The following SNAP91 variants were observed in gnomAD, a reference collection of about 807,000 sequenced individuals.
SNAP91 encodes clathrin coat assembly protein AP180.
Under a neutral mutation model 100.3 loss-of-function variants are expected in SNAP91, and 27 were observed. The ratio of observed to expected loss-of-function variants is 0.27; its 90% confidence interval spans 0.20 to 0.37. The LOEUF is 0.37. SNAP91 is among the 10% of genes least tolerant of loss of function. SNAP91 has a pLI of 1.00. For synonymous variants in SNAP91, 404 were observed against 398.6 expected (o/e 1.01, Z -0.16); for missense variants, 986 against 1,123.7 (o/e 0.88, Z 1.75).
In SNAP91 at chr6:83,635,011, T is replaced by C. The variant is rs2128498139; in HGVS notation, c.765+6085A>G. On this transcript the variant is annotated intron_variant, in intron 8 of 29. Coordinates refer to ENST00000369694, the MANE Select transcript of SNAP91 (RefSeq NM_001242792.2). ...CTACTGTGGTCTAAGAATATACTTG[T>C]TATGATTTGATTTTTTTGATTTATT... Among the ~76,000 whole-genome samples the C allele has an allele frequency of 1.3e-5, 2 of 152,338 alleles. 1 individual carries two copies. Among genetic ancestry groups the C allele is most frequent in the South Asian group, 4.1e-4 (2 of 4,826 alleles).
intron 2 of SNAP91, among the ~76,000 whole-genome samples, chr6:83,700,059 A>G (rs2099271829): frequency 6.6e-6 from 1 of 152,234 alleles, no homozygotes; most frequent in Non-Finnish European, 1.5e-5. Flanking sequence ...GTACAGCTTT[A>G]GGGGTTAAAA....
intron 11 of SNAP91, 66 bp from the exon 12 acceptor site, chr6:83,610,743 ATAT>A (rs2128308279): frequency 8.3e-6 from 1 of 120,572 alleles, no homozygotes; most frequent in Non-Finnish European, 1.4e-5. Context: ...ATATATATAT[ATAT>A]AAATATATAT....
intron 5 of SNAP91, among the ~76,000 whole-genome samples, chr6:83,660,779 T>A (rs2098527094): frequency 2.1e-5 from 3 of 145,958 alleles, no homozygotes; most frequent in South Asian, 2.1e-4. Flanking sequence ...CTATTTTCCA[T>A]CTTTTTTTTT....
At chr6:83,695,050 T>C (rs1432483327) in intron 2 of SNAP91, among the ~76,000 whole-genome samples, 2 of 151,774 alleles carry the variant, frequency 1.3e-5, no homozygotes, top group Non-Finnish European at 2.9e-5. Context: ...GGTGGGCGGA[T>C]CACTTGAGGC....
chr6:83,651,642 G>C (rs1017491893), intron 7 of SNAP91, among the ~76,000 whole-genome samples: 1 of 152,158 alleles, frequency 6.6e-6, no homozygotes, highest in African/African-American at 2.4e-5. Flanking sequence ...TTGTCAAGAT[G>C]TGTTTTATGG....
chr6:83,567,680 A>C (rs1300264670), intron 26 of SNAP91, among the ~76,000 whole-genome samples: 2 of 152,224 alleles, frequency 1.3e-5, no homozygotes, highest in African/African-American at 4.8e-5. Context: ...CCCATCAAAA[A>C]GTGGGTGAAG....
At chr6:83,647,568 T>C (rs1234086751) in intron 7 of SNAP91, among the ~76,000 whole-genome samples, 2 of 152,190 alleles carry the variant, frequency 1.3e-5, no homozygotes, top group East Asian at 3.8e-4. Flanking sequence ...TTTTTATACA[T>C]TGTTGGATTT....
At chr6:83,559,631 T>C (rs906392414) in intron 28 of SNAP91, among the ~76,000 whole-genome samples, 1 of 152,164 alleles carries the variant, frequency 6.6e-6, no homozygotes, top group African/African-American at 2.4e-5. Context: ...CTCACAAATA[T>C]GTGTCTTGCG....
intron 2 of SNAP91, chr6:83,690,397 T>C: frequency 7.8e-7 from 1 of 1,288,802 alleles, no homozygotes. Context: ...CTTTCAGATC[T>C]CAAAATTAGG....
intron 9 of SNAP91, among the ~76,000 whole-genome samples, chr6:83,622,369 A>G (rs1038824223): frequency 6.6e-6 from 1 of 152,102 alleles, no homozygotes; most frequent in East Asian, 1.9e-4. Flanking sequence ...TAAAGATGGA[A>G]ACATTTCAAG....
intron 28 of SNAP91, among the ~76,000 whole-genome samples, chr6:83,557,139 G>C (rs1350594341): frequency 6.6e-6 from 1 of 152,094 alleles, no homozygotes; most frequent in Non-Finnish European, 1.5e-5. Context: ...ACTTTTACAG[G>C]ATACAAGGTC....
intron 7 of SNAP91, among the ~76,000 whole-genome samples, chr6:83,647,800 A>G (rs939857846): frequency 3.9e-5 from 6 of 152,146 alleles, no homozygotes; most frequent in African/African-American, 9.7e-5. Context: ...TTCTGCTGCT[A>G]TCATGGAATA....
At chr6:83,583,346 C>T (rs924950204) in intron 22 of SNAP91, among the ~76,000 whole-genome samples, 9 of 152,114 alleles carry the variant, frequency 5.9e-5, no homozygotes, top group South Asian at 2.1e-4. Flanking sequence ...CATGTTTTTT[C>T]CACTAATATC....
chr6:83,692,615 C>G (rs2099145887), intron 2 of SNAP91, among the ~76,000 whole-genome samples: 1 of 152,060 alleles, frequency 6.6e-6, no homozygotes, highest in Admixed American at 6.6e-5. Context: ...TAGCTAAGAT[C>G]ACAGGCAGAA....
chr6:83,655,021 G>A (rs2098357598), intron 7 of SNAP91, among the ~76,000 whole-genome samples: 2 of 152,130 alleles, frequency 1.3e-5, no homozygotes, highest in African/African-American at 4.8e-5. Context: ...TACTCCCATA[G>A]GATATCATTT....
chr6:83,588,419 T>C (rs2093171161), intron 22 of SNAP91, among the ~76,000 whole-genome samples: 1 of 152,256 alleles, frequency 6.6e-6, no homozygotes, highest in Non-Finnish European at 1.5e-5. Flanking sequence ...TTGGGTACTT[T>C]CATTGATGAT....
At chr6:83,638,643 T>C (rs2128527278) in intron 8 of SNAP91, among the ~76,000 whole-genome samples, 1 of 152,292 alleles carries the variant, frequency 6.6e-6, no homozygotes, top group Admixed American at 6.5e-5. Context: ...ATATTATGGA[T>C]CCCTAATACT....
intron 2 of SNAP91, among the ~76,000 whole-genome samples, chr6:83,700,246 A>G (rs1023842295): frequency 3.3e-5 from 5 of 152,144 alleles, no homozygotes; most frequent in African/African-American, 9.7e-5. Flanking sequence ...CAGAAATAGT[A>G]TATATGCCTT....
chr6:83,615,558 A>T (rs1226377159), intron 10 of SNAP91, among the ~76,000 whole-genome samples: 1 of 152,128 alleles, frequency 6.6e-6, no homozygotes, highest in Admixed American at 6.6e-5. Context: ...TCTCATGTCA[A>T]GTCTGATCAT....
Sources: gnomAD v4.1 joint callset for allele counts (sites outside exome capture counted in the v4.1 genomes callset) on GRCh38, gnomAD v4.1.1 for gene constraint, MANE v1.5 for transcripts, NCBI Gene and HGNC (gene_info 2026-07-23, HGNC 2026-07-21) for gene names.